The following AGTPBP1 variants were observed in gnomAD, a reference collection of about 807,000 sequenced individuals.
The protein encoded by AGTPBP1 is ATP/GTP binding carboxypeptidase 1.
Under a neutral mutation model 143.9 loss-of-function variants are expected in AGTPBP1, and 70 were observed. The observed-to-expected ratio is 0.49, with a 90% confidence interval of 0.40 to 0.59. The LOEUF is 0.59. AGTPBP1 is among the 20% of genes least tolerant of loss of function. The pLI is 0.00. For synonymous variants in AGTPBP1, 463 were observed against 500.2 expected (o/e 0.93, Z 0.99); for missense variants, 1,229 against 1,464.5 (o/e 0.84, Z 2.62).
chr9:85,718,102 A>G (rs868774796), intron 1 of AGTPBP1, among the ~76,000 whole-genome samples: 23 of 152,212 alleles, frequency 1.5e-4, no homozygotes, highest in South Asian at 4.2e-4. Flanking sequence ...GGTTGGTTCC[A>G]AGTCTTTGCT....
chr9:85,698,731 C>T (rs1459009813), intron 2 of AGTPBP1, among the ~76,000 whole-genome samples: 6 of 116,096 alleles, frequency 5.2e-5, no homozygotes, highest in African/African-American at 6.6e-5. Flanking sequence ...CTTGCTCTGT[C>T]GCCCAGGCTG....
Position 85,655,236 on chromosome 9 carries a change from G to A in AGTPBP1, c.994C>T (p.Pro332Ser). The A allele has an allele frequency of 6.2e-7, 1 of 1,602,656 alleles. No individual in the cohort carries two copies. Among genetic ancestry groups the A allele is most frequent in the Non-Finnish European group, 8.5e-7 (1 of 1,174,064 alleles). ...AAAGAACTTTTAATTGTTGGGAGTG[G>A]CAGTCGATTTTTTGGGAAACACTTC... ...MRKCFPKNRLPLPTIKSSFHF... is the reference protein window; with the variant it reads ...MRKCFPKNRLSLPTIKSSFHF... The change falls in exon 11 of 26, where the codon CCA becomes TCA. Residue 332 changes from proline to serine, a missense_variant. This residue lies in a region of AGTPBP1 where 743 missense variants were observed against 812.2 expected (regional missense o/e 0.91). Coordinates refer to ENST00000357081, the MANE Select transcript of AGTPBP1 (RefSeq NM_001330701.2).
intron 25 of AGTPBP1, among the ~76,000 whole-genome samples, chr9:85,565,965 T>G (rs1448254907): frequency 2.0e-5 from 3 of 152,228 alleles, no homozygotes; most frequent in Admixed American, 2.0e-4. Flanking sequence ...AAGTCTAATG[T>G]GCTTACATGG....
At chr9:85,564,475 T>A (rs1374440416) in intron 25 of AGTPBP1, among the ~76,000 whole-genome samples, 1 of 152,276 alleles carries the variant, frequency 6.6e-6, no homozygotes, top group Non-Finnish European at 1.5e-5. Context: ...CACAGTCATA[T>A]GCTCCAATGA....
intron 6 of AGTPBP1, among the ~76,000 whole-genome samples, chr9:85,674,052 G>C (rs1834664514): frequency 1.3e-5 from 2 of 150,842 alleles, no homozygotes; most frequent in Admixed American, 1.3e-4. Context: ...GAACCCAGGA[G>C]GAGGAGCTTG....
At chr9:85,686,258 T>C (rs11141064) in intron 3 of AGTPBP1, among the ~76,000 whole-genome samples, 2,657 of 151,762 alleles carry the variant, frequency 0.018, 39 homozygotes, top group African/African-American at 0.039. Flanking sequence ...AGTAAAAGAA[T>C]AGAAAAGACT....
At chr9:85,774,863 A>G in the AGTPBP1 span, among the ~76,000 whole-genome samples, 1 of 152,226 alleles carries the variant, frequency 6.6e-6, no homozygotes, top group Non-Finnish European at 1.5e-5. Context: ...CAGTTGCCTA[A>G]TGACAATTTC....
intron 1 of AGTPBP1, among the ~76,000 whole-genome samples, chr9:85,717,069 C>T (rs1481387686): frequency 1.3e-5 from 2 of 152,216 alleles, no homozygotes; most frequent in Non-Finnish European, 2.9e-5. Context: ...TCAAGTATCA[C>T]CTTTTCAATA....
chr9:85,763,462 A>C, the AGTPBP1 span, among the ~76,000 whole-genome samples: 1 of 152,032 alleles, frequency 6.6e-6, no homozygotes, highest in Non-Finnish European at 1.5e-5. Flanking sequence ...GGAATTTTAT[A>C]GTTCTGTTGG....
At chr9:85,798,288 G>A in the AGTPBP1 span, among the ~76,000 whole-genome samples, 1 of 151,744 alleles carries the variant, frequency 6.6e-6, no homozygotes, top group Admixed American at 6.6e-5. Context: ...GTATATGGAA[G>A]TTAAAATTTT....
At chr9:85,625,999 A>C (rs1831267504) in intron 14 of AGTPBP1, among the ~76,000 whole-genome samples, 2 of 151,240 alleles carry the variant, frequency 1.3e-5, no homozygotes, top group African/African-American at 4.9e-5. Flanking sequence ...GATGGGACAA[A>C]AAGTGACTTC....
the AGTPBP1 span, among the ~76,000 whole-genome samples, chr9:85,795,529 G>C: frequency 6.6e-6 from 1 of 152,148 alleles, no homozygotes; most frequent in Non-Finnish European, 1.5e-5. Context: ...ATTTGAATGC[G>C]AACAATGAGC....
intron 25 of AGTPBP1, among the ~76,000 whole-genome samples, chr9:85,564,668 C>CT (rs2132894861): frequency 6.6e-6 from 1 of 152,324 alleles, no homozygotes; most frequent in South Asian, 2.1e-4. Context: ...GAGCAATAGG[C>CT]TATACCATAT....
the AGTPBP1 span, among the ~76,000 whole-genome samples, chr9:85,772,367 G>T: frequency 6.6e-6 from 1 of 151,924 alleles, no homozygotes; most frequent in Non-Finnish European, 1.5e-5. Flanking sequence ...TTCTGGAGAG[G>T]TCATTAGATT....
chr9:85,740,047 C>G (rs1163936189), intron 1 of AGTPBP1, among the ~76,000 whole-genome samples: 1 of 151,696 alleles, frequency 6.6e-6, no homozygotes, highest in Non-Finnish European at 1.5e-5. Context: ...AATTTCATAA[C>G]TGTTGGACCT....
chr9:85,680,532 C>T (rs1036895427), intron 4 of AGTPBP1, among the ~76,000 whole-genome samples: 1 of 151,046 alleles, frequency 6.6e-6, no homozygotes, highest in Non-Finnish European at 1.5e-5. Flanking sequence ...TGCATTGAGC[C>T]GAGATTGCAC....
chr9:85,647,154 G>A (rs1408618054), intron 11 of AGTPBP1, among the ~76,000 whole-genome samples: 3 of 152,172 alleles, frequency 2.0e-5, no homozygotes, highest in Non-Finnish European at 2.9e-5. Context: ...GTGCATGCCT[G>A]TAATCCCAGC....
the AGTPBP1 span, among the ~76,000 whole-genome samples, chr9:85,766,999 G>A: frequency 2.7e-5 from 4 of 147,086 alleles, no homozygotes; most frequent in African/African-American, 1.0e-4. Context: ...ACTACAGACA[G>A]GTCACACCGC....
intron 25 of AGTPBP1, among the ~76,000 whole-genome samples, chr9:85,557,316 A>G (rs913588843): frequency 6.6e-6 from 1 of 152,188 alleles, no homozygotes; most frequent in African/African-American, 2.4e-5. Flanking sequence ...ATCAGTCCCA[A>G]ACTTATTTAT....
Sources: gnomAD v4.1 joint callset for allele counts (sites outside exome capture counted in the v4.1 genomes callset) on GRCh38, gnomAD v4.1.1 for gene constraint, gnomAD v4.1.1 regional missense constraint, MANE v1.5 for transcripts, NCBI Gene and HGNC (gene_info 2026-07-23, HGNC 2026-07-21) for gene names.